The following MYOCD variants were observed in gnomAD, a reference collection of about 807,000 sequenced individuals.
MYOCD encodes myocardin.
MYOCD carries 32 observed loss-of-function variants against 96.1 expected under a neutral mutation model. That is an observed-to-expected ratio of 0.33 (90% CI 0.25 to 0.45). MYOCD has a LOEUF of 0.45. Ranked by LOEUF, MYOCD falls within the 20% of genes least tolerant of loss-of-function variation. The pLI, the probability that MYOCD is intolerant of heterozygous loss-of-function variation, is 1.00. For missense variants in MYOCD, 1,133 were observed against 1,200.6 expected, an observed-to-expected ratio of 0.94 and a Z score of 0.83; for synonymous variants, 469 against 469.0, an observed-to-expected ratio of 1.00 and a Z score of 0.00.
chr17:12,705,462 C>A, intron 2 of MYOCD: 1 of 339,052 alleles, frequency 2.9e-6, no homozygotes, highest in Non-Finnish European at 5.3e-6. Context: ...TCATTATGGG[C>A]ACCCCTGACT....
chr17:12,759,789 C>T (rs920371313), intron 12 of MYOCD, among the ~76,000 whole-genome samples: 9 of 152,126 alleles, frequency 5.9e-5, no homozygotes. Flanking sequence ...CACATTGGAG[C>T]AACCAAGCAA....
chr17:12,753,599 G>A lies in MYOCD; in HGVS notation c.2058+253G>A, dbSNP rs9916421. ...TATTTTTTGCTTTGCAGGTCACACT[G>A]TCTGTGTCATACCTACCCAATTTTG... On this transcript the variant is annotated intron_variant, in intron 10 of 13. Transcript: ENST00000425538. 2.6e-3 allele frequency among the ~76,000 whole-genome samples: 390 copies of A among 152,310 alleles called. 1 individual carries two copies. Among genetic ancestry groups the A allele is most frequent in the African/African-American group, 9.1e-3 (379 of 41,566 alleles).
intron 1 of MYOCD, among the ~76,000 whole-genome samples, chr17:12,678,313 CA>C (rs34341177): frequency 0.29 from 43,375 of 147,820 alleles, 6,572 homozygotes; most frequent in South Asian, 0.47. Context: ...CTTTTCCTTT[CA>C]AAAAAAAAAA....
chr17:12,722,678 T>A (rs941081729), intron 4 of MYOCD, among the ~76,000 whole-genome samples, 169 bp from the exon 5 acceptor site: 4 of 152,218 alleles, frequency 2.6e-5, no homozygotes, highest in African/African-American at 9.7e-5. Context: ...TGGAAGTGTC[T>A]AGGCTTTGGT....
chr17:12,745,070 G>A (rs922571331), intron 8 of MYOCD, among the ~76,000 whole-genome samples: 4 of 152,172 alleles, frequency 2.6e-5, no homozygotes, highest in Admixed American at 6.5e-5. Flanking sequence ...GGAATTATGA[G>A]CAATTCCGAT....
intron 9 of MYOCD, among the ~76,000 whole-genome samples, chr17:12,748,409 G>C (rs920408389): frequency 2.6e-5 from 4 of 152,134 alleles, no homozygotes; most frequent in Non-Finnish European, 5.9e-5. Flanking sequence ...TAGGAGAAGT[G>C]GGTTGGAGTA....
chr17:12,736,057 G>A, intron 5 of MYOCD, 104 bp from the exon 6 acceptor site: 1 of 903,222 alleles, frequency 1.1e-6, no homozygotes, highest in Non-Finnish European at 1.7e-6. Context: ...AAACTGGAGA[G>A]AGAGAGGTGT....
At chr17:12,723,745 C>G (rs1002547450) in intron 5 of MYOCD, among the ~76,000 whole-genome samples, 1 of 152,188 alleles carries the variant, frequency 6.6e-6, no homozygotes, top group Admixed American at 6.5e-5. Context: ...AATGCTCCTA[C>G]AGACACACTT....
At chr17:12,703,894 C>A (rs534120148) in intron 1 of MYOCD, among the ~76,000 whole-genome samples, 3 of 152,066 alleles carry the variant, frequency 2.0e-5, no homozygotes, top group South Asian at 2.1e-4. Context: ...AATGTTTCTA[C>A]TTGGTTTCTT....
intron 7 of MYOCD, among the ~76,000 whole-genome samples, chr17:12,741,135 A>G (rs1298537766): frequency 6.6e-6 from 1 of 152,230 alleles, no homozygotes; most frequent in Non-Finnish European, 1.5e-5. Flanking sequence ...GGACTTAAAA[A>G]AGATTGTAAA....
intron 1 of MYOCD, among the ~76,000 whole-genome samples, chr17:12,674,609 G>A (rs1909902234): frequency 6.6e-6 from 1 of 152,278 alleles, no homozygotes; most frequent in Admixed American, 6.5e-5. Context: ...ATTATCAGTG[G>A]ATGAGAATTG....
Position 12,768,219 on chromosome 17 carries a change from G to T in MYOCD, c.*4575G>T, listed in dbSNP as rs923540428. ...GACAATCCTGTAGTGCCAAGATCTG[G>T]TCAGTTGCGTTAAGGAGCTGGGTTT... On this transcript the variant is annotated 3_prime_UTR_variant, in exon 14 of 14. Transcript: ENST00000425538. 2 of 152,156 alleles carry T rather than the reference G, an allele frequency of 1.3e-5. No individual in the cohort carries two copies. Among genetic ancestry groups the T allele is most frequent in the Non-Finnish European group, 2.9e-5 (2 of 68,044 alleles). The allele number at this position is 152,156 out of a possible 1,614,324, so 9.4% of individuals were successfully genotyped here.
chr17:12,750,216 T>G (rs192617135), intron 9 of MYOCD, among the ~76,000 whole-genome samples: 26 of 152,244 alleles, frequency 1.7e-4, no homozygotes, highest in Non-Finnish European at 3.5e-4. Flanking sequence ...GAAGCAGCAC[T>G]TCTCAAACAT....
At chr17:12,712,047 G>A (rs1417398501) in intron 2 of MYOCD, among the ~76,000 whole-genome samples, 1 of 150,782 alleles carries the variant, frequency 6.6e-6, no homozygotes, top group African/African-American at 2.4e-5. Context: ...ATTTTTAGAA[G>A]AGACAGGGTT....
At chr17:12,672,933 A>T (rs1441898481) in intron 1 of MYOCD, among the ~76,000 whole-genome samples, 1 of 152,144 alleles carries the variant, frequency 6.6e-6, no homozygotes, top group Non-Finnish European at 1.5e-5. Context: ...GCATTGAGTA[A>T]GTTTTCCCTT....
At chr17:12,757,447 A>G (rs559945655) in intron 11 of MYOCD, among the ~76,000 whole-genome samples, 1 of 152,134 alleles carries the variant, frequency 6.6e-6, no homozygotes, top group East Asian at 1.9e-4. Flanking sequence ...GGAATAAATG[A>G]CCTGTGGGGT....
chr17:12,734,091 A>G (rs1484728737), intron 5 of MYOCD, among the ~76,000 whole-genome samples: 1 of 136,438 alleles, frequency 7.3e-6, no homozygotes, highest in African/African-American at 2.7e-5. Context: ...TTCTCTTAAC[A>G]TTTCCACCCA....
intron 9 of MYOCD, among the ~76,000 whole-genome samples, chr17:12,749,712 T>TATATATAC (rs1206247983): frequency 6.4e-4 from 92 of 143,158 alleles, no homozygotes; most frequent in East Asian, 9.5e-4. Context: ...CATATGTGTA[T>TATATATAC]ATATATGTGT....
At position 12,701,416 on chromosome 17, in the gene MYOCD, TAAATA is replaced by T. The variant is rs893828171; in HGVS notation, c.56-3690_56-3686del. Among the ~76,000 whole-genome samples the T allele has an allele frequency of 2.0e-4, 31 of 152,128 alleles. No homozygotes were observed. In the East Asian group the frequency reaches 3.7e-3, roughly 18 times the overall value. On this transcript the variant is annotated intron_variant, in intron 1 of 13. Coordinates refer to ENST00000425538, the MANE Select transcript of MYOCD (RefSeq NM_001146312.3). ...GACAGAGTGAGACTCCGTCTCAAAA[TAAATA>T]AAATAAAATAAAATAAAATAAGTCT... is the stretch of plus-strand genomic sequence containing the variant.
Sources: allele counts gnomAD v4.1 joint callset (sites outside exome capture counted in the v4.1 genomes callset), GRCh38; gene constraint gnomAD v4.1.1; transcripts MANE v1.5; gene names NCBI Gene and HGNC (gene_info 2026-07-23, HGNC 2026-07-21).